Variants in CCDC91 observed in about 807,000 individuals in gnomAD.
The protein encoded by CCDC91 is coiled-coil domain containing 91, also known as coiled-coil domain-containing protein 91.
Under a neutral mutation model 63.2 loss-of-function variants are expected in CCDC91, and 48 were observed. That is an observed-to-expected ratio of 0.76 (90% CI 0.60 to 0.97). CCDC91 has a LOEUF of 0.97. Ranked by LOEUF, CCDC91 falls within the 50% of genes least tolerant of loss-of-function variation. The pLI is 0.00. For synonymous variants in CCDC91, 167 were observed against 165.8 expected, an observed-to-expected ratio of 1.01 and a Z score of -0.06; for missense variants, 500 against 494.6, an observed-to-expected ratio of 1.01 and a Z score of -0.10.
intron 11 of CCDC91, among the ~76,000 whole-genome samples, chr12:28,480,581 A>G (rs1044673638): frequency 6.6e-6 from 1 of 151,972 alleles, no homozygotes; most frequent in African/African-American, 2.4e-5. Context: ...CCAGCATAAC[A>G]TGTGTATCTC....
intron 1 of CCDC91, among the ~76,000 whole-genome samples, chr12:28,233,627 A>G (rs1565647569): frequency 6.6e-6 from 1 of 152,190 alleles, no homozygotes; most frequent in Non-Finnish European, 1.5e-5. Context: ...GTCCAGTTTA[A>G]TCTGGAAATT....
intron 6 of CCDC91, among the ~76,000 whole-genome samples, chr12:28,333,176 A>T (rs1471694278): frequency 6.6e-6 from 1 of 151,890 alleles, no homozygotes; most frequent in Non-Finnish European, 1.5e-5. Flanking sequence ...CATCCTGATC[A>T]CAAGGTCAGG....
intron 12 of CCDC91, among the ~76,000 whole-genome samples, chr12:28,542,665 T>C (rs1330296516): frequency 6.6e-6 from 1 of 152,108 alleles, no homozygotes; most frequent in Non-Finnish European, 1.5e-5. Context: ...ATTCTTAACA[T>C]GTATTTTATA....
At chr12:28,461,751 G>A (rs187368190) in intron 11 of CCDC91, among the ~76,000 whole-genome samples, 1 of 151,720 alleles carries the variant, frequency 6.6e-6, no homozygotes, top group East Asian at 1.9e-4. Context: ...ACACATCTTT[G>A]TTGGGTCACA....
At chr12:28,297,356 A>C (rs556217939) in intron 3 of CCDC91, among the ~76,000 whole-genome samples, 1 of 151,814 alleles carries the variant, frequency 6.6e-6, no homozygotes, top group South Asian at 2.1e-4. Context: ...ATGTTTTGAC[A>C]TAGTTAGCTT....
At chr12:28,431,069 C>CTT (rs1948600341) in intron 8 of CCDC91, among the ~76,000 whole-genome samples, 1 of 152,068 alleles carries the variant, frequency 6.6e-6, no homozygotes, top group Non-Finnish European at 1.5e-5. Flanking sequence ...ATTGTTGAGT[C>CTT]TTAATTATTA....
chr12:28,313,688 A>T (rs907060605), intron 6 of CCDC91, among the ~76,000 whole-genome samples: 3 of 152,070 alleles, frequency 2.0e-5, no homozygotes, highest in African/African-American at 7.2e-5. Flanking sequence ...AAAGGAAATA[A>T]ATACTGTGAA....
intron 8 of CCDC91, among the ~76,000 whole-genome samples, chr12:28,423,085 T>C (rs560092632): frequency 6.6e-6 from 1 of 152,126 alleles, no homozygotes; most frequent in South Asian, 2.1e-4. Flanking sequence ...AATACAACAG[T>C]TGTGCACCAA....
intron 1 of CCDC91, among the ~76,000 whole-genome samples, chr12:28,223,081 A>G (rs1944051968): frequency 6.6e-6 from 1 of 152,198 alleles, no homozygotes; most frequent in Non-Finnish European, 1.5e-5. Flanking sequence ...ACCTTACATA[A>G]AACCAAAGTA....
chr12:28,407,024 C>T (rs1277125650), intron 8 of CCDC91, among the ~76,000 whole-genome samples: 1 of 152,088 alleles, frequency 6.6e-6, no homozygotes, highest in Non-Finnish European at 1.5e-5. Context: ...TTAGTACCAT[C>T]CCCTTGGTTC....
At chr12:28,304,033 A>G (rs1938371336) in intron 3 of CCDC91, among the ~76,000 whole-genome samples, 1 of 152,088 alleles carries the variant, frequency 6.6e-6, no homozygotes, top group Non-Finnish European at 1.5e-5. Context: ...AAGTAGGGAT[A>G]CCAAGTACAA....
chr12:28,432,810 AGTGTCT>A (rs553416676), intron 8 of CCDC91, among the ~76,000 whole-genome samples: 13 of 152,226 alleles, frequency 8.5e-5, no homozygotes, highest in African/African-American at 3.1e-4. Context: ...TCTCTTCCAA[AGTGTCT>A]GTACCATTTT....
chr12:28,444,887 G>A (rs1949420963), intron 8 of CCDC91, among the ~76,000 whole-genome samples: 1 of 152,056 alleles, frequency 6.6e-6, no homozygotes, highest in East Asian at 1.9e-4. Context: ...GCTCAATCAT[G>A]GGAGGATAGA....
At chr12:28,268,998 G>A (rs1270773095) in intron 3 of CCDC91, among the ~76,000 whole-genome samples, 1 of 152,068 alleles carries the variant, frequency 6.6e-6, no homozygotes, top group Non-Finnish European at 1.5e-5. Flanking sequence ...GGCCAGACAG[G>A]GTTGAGGGAC....
intron 8 of CCDC91, among the ~76,000 whole-genome samples, chr12:28,423,590 A>G (rs1948136306): frequency 6.6e-6 from 1 of 151,748 alleles, no homozygotes. Context: ...GGTCATATTT[A>G]AAGTATTTTA....
At position 28,490,139 on chromosome 12, in the gene CCDC91, T is replaced by A. The variant is rs539099711; in HGVS notation, c.1215+5974T>A. Reference sequence around the variant, plus strand: ...GTAGGAAAATGGCGCTTTCCTGACATTTCCCATCTTCCTGCCCCTTTCTCA... The same window carrying A: ...GTAGGAAAATGGCGCTTTCCTGACAATTCCCATCTTCCTGCCCCTTTCTCA... On this transcript the variant is annotated intron_variant, in intron 12 of 12. Transcript: ENST00000536442. Among the ~76,000 whole-genome samples the A allele has an allele frequency of 5.3e-5, 8 of 151,976 alleles. No individual in the cohort carries two copies. In the South Asian group the frequency reaches 1.7e-3, roughly 32 times the overall value.
chr12:28,223,503 G>C (rs756967357), intron 1 of CCDC91, among the ~76,000 whole-genome samples: 6 of 152,036 alleles, frequency 3.9e-5, no homozygotes, highest in Non-Finnish European at 8.8e-5. Flanking sequence ...GCGTTCTGGT[G>C]CAACTACCTG....
chr12:28,239,325 G>T (rs1170784750), intron 1 of CCDC91, among the ~76,000 whole-genome samples: 1 of 151,990 alleles, frequency 6.6e-6, no homozygotes, highest in Non-Finnish European at 1.5e-5. Flanking sequence ...GGTATTTGAG[G>T]TAGGGAAACA....
intron 8 of CCDC91, among the ~76,000 whole-genome samples, chr12:28,395,430 ACACTTT>A (rs1435998590): frequency 6.6e-6 from 1 of 152,212 alleles, no homozygotes; most frequent in African/African-American, 2.4e-5. Context: ...CAGGGTACCC[ACACTTT>A]CCTCTGACTT....
Sources: allele counts gnomAD v4.1 joint callset (sites outside exome capture counted in the v4.1 genomes callset), GRCh38; gene constraint gnomAD v4.1.1; transcripts MANE v1.5; gene names NCBI Gene and HGNC (gene_info 2026-07-23, HGNC 2026-07-21).